The following FNTA variants were observed in gnomAD, a reference collection of about 807,000 sequenced individuals.
The protein encoded by FNTA is farnesyltransferase, CAAX box, subunit alpha.
FNTA carries 27 observed loss-of-function variants against 55.2 expected under a neutral mutation model. The ratio of observed to expected loss-of-function variants is 0.49; its 90% CI spans 0.36 to 0.67. The LOEUF is 0.67. FNTA is among the 30% of genes least tolerant of loss of function. The probability of loss-of-function intolerance (pLI) is 0.00; values close to 1 mark genes in which losing one functional copy is unlikely to be tolerated. For missense variants in FNTA, 422 were observed against 464.7 expected, an observed-to-expected ratio of 0.91 and a Z score of 0.85; for synonymous variants, 176 against 170.7, an observed-to-expected ratio of 1.03 and a Z score of -0.24.
At chr8:43,062,266 T>C (rs1810552039) in intron 2 of FNTA, among the ~76,000 whole-genome samples, 1 of 151,876 alleles carries the variant, frequency 6.6e-6, no homozygotes, top group Admixed American at 6.6e-5. Context: ...TTGTTTTAAA[T>C]TTGAAATTAT....
At chr8:43,065,047 G>C (rs1032475196) in intron 3 of FNTA, among the ~76,000 whole-genome samples, 14 of 151,448 alleles carry the variant, frequency 9.2e-5, no homozygotes, top group African/African-American at 3.2e-4. Flanking sequence ...TGTTGGTCAG[G>C]CTGGCCTCGA....
At chr8:43,082,519 C>T (rs998507429) in intron 6 of FNTA, 1 of 152,112 alleles carries the variant, frequency 6.6e-6, no homozygotes, top group African/African-American at 2.4e-5. Flanking sequence ...GCTGATGTTT[C>T]CTTCAAAAGG....
intron 1 of FNTA, among the ~76,000 whole-genome samples, chr8:43,058,303 G>A (rs2130538384): frequency 6.6e-6 from 1 of 152,310 alleles, no homozygotes; most frequent in South Asian, 2.1e-4. Context: ...GCAGTTGTCA[G>A]ATTCCAGAGC....
At chr8:43,060,802 G>T (rs1003991785) in intron 2 of FNTA, among the ~76,000 whole-genome samples, 19 of 152,030 alleles carry the variant, frequency 1.2e-4, no homozygotes, top group African/African-American at 4.4e-4. Context: ...AACTTACACA[G>T]CAGAAGAAAC....
chr8:43,083,079 C>T (rs1811056125), intron 6 of FNTA, 39 bp from the exon 7 acceptor site: 2 of 1,227,756 alleles, frequency 1.6e-6, no homozygotes, highest in South Asian at 1.3e-5. Flanking sequence ...CATCATTGCA[C>T]TGTTCTTTTA....
Position 43,058,931 on chromosome 8 carries a change from T to C in FNTA, c.201-161T>C, listed in dbSNP as rs564242130. ...TTAATAGTTTAATGTGTAAAACATA[T>C]TGGCAAAACTTGGTCATGAAGAATC... On this transcript the variant is annotated intron_variant, in intron 1 of 8. Transcript: ENST00000302279. The C allele has an allele frequency of 8.3e-5, 41 of 495,014 alleles. No homozygotes were observed. The East Asian group carries it at 1.3e-3, about 15-fold the overall frequency. The allele number at this position is 495,014 out of a possible 1,614,324, so 30.7% of individuals were successfully genotyped here. A position where few individuals can be genotyped will look rare whatever the true frequency, so the allele number is the denominator to read the frequency against.
chr8:43,056,688 C>G (rs1425425890), intron 1 of FNTA, 142 bp downstream of exon 1: 3 of 411,118 alleles, frequency 7.3e-6, no homozygotes, highest in African/African-American at 2.1e-5. Context: ...GCGCTGGGCC[C>G]GGGCGGCTGC....
At chr8:43,063,358 T>C in intron 2 of FNTA, 1 of 455,050 alleles carries the variant, frequency 2.2e-6, no homozygotes, top group South Asian at 1.6e-5. Context: ...TTTTTTGTAA[T>C]CCAATGCTCC....
intron 3 of FNTA, among the ~76,000 whole-genome samples, chr8:43,068,711 T>G (rs1810717917): frequency 6.6e-6 from 1 of 152,190 alleles, no homozygotes; most frequent in South Asian, 2.1e-4. Context: ...TTGTTACCTT[T>G]CACTATTTTT....
intron 3 of FNTA, among the ~76,000 whole-genome samples, chr8:43,064,949 G>T (rs1810619621): frequency 6.6e-6 from 1 of 150,444 alleles, no homozygotes; most frequent in African/African-American, 2.4e-5. Flanking sequence ...CGATTTTCCT[G>T]CCTCAGCCTC....
At chr8:43,060,635 A>G in intron 2 of FNTA, among the ~76,000 whole-genome samples, 1 of 151,558 alleles carries the variant, frequency 6.6e-6, no homozygotes, top group Non-Finnish European at 1.5e-5. Flanking sequence ...CGATCACGCC[A>G]TTGCACTGTA....
chr8:43,081,340 G>A (rs1403277111), intron 6 of FNTA: 1 of 152,130 alleles, frequency 6.6e-6, no homozygotes, highest in Non-Finnish European at 1.5e-5. Context: ...TTCAGTTAAT[G>A]TGTCATGGCC....
At chr8:43,081,441 C>T (rs1811025985) in intron 6 of FNTA, 1 of 152,220 alleles carries the variant, frequency 6.6e-6, no homozygotes, top group South Asian at 2.1e-4. Flanking sequence ...TCTAACAGCT[C>T]TGTGAGACAC....
chr8:43,065,698 T>G (rs1359695773), intron 3 of FNTA, among the ~76,000 whole-genome samples: 2 of 151,562 alleles, frequency 1.3e-5, no homozygotes, highest in Non-Finnish European at 2.9e-5. Flanking sequence ...GTTTCATTTT[T>G]CTCTTCACCA....
At chr8:43,061,587 T>G (rs1035607060) in intron 2 of FNTA, among the ~76,000 whole-genome samples, 3 of 152,236 alleles carry the variant, frequency 2.0e-5, no homozygotes, top group African/African-American at 7.2e-5. Context: ...ATAAAATGTA[T>G]CATTGTCATA....
intron 2 of FNTA, among the ~76,000 whole-genome samples, chr8:43,060,489 A>G (rs1391430754): frequency 6.6e-6 from 1 of 152,166 alleles, no homozygotes; most frequent in Non-Finnish European, 1.5e-5. Context: ...AGCCTGGCCA[A>G]CGTGGCGAAA....
Position 43,077,304 on chromosome 8 carries a change from A to T in FNTA, c.722A>T (p.Tyr241Phe), listed in dbSNP as rs1214798012. The T allele has an allele frequency of 6.2e-7, 1 of 1,613,354 alleles. No homozygotes were observed. The highest frequency in any genetic ancestry group is 1.1e-5 in the South Asian group (1 of 90,996). The change falls in exon 6 of 9, where the codon TAC (tyrosine) becomes TTC (phenylalanine). Residue 241 changes from tyrosine (Y) to phenylalanine (F), a missense_variant. Physicochemically the swap from Tyr to Phe is conservative, Grantham distance 22. Transcript: ENST00000302279. Reference protein sequence around the residue: ...VRNNSVWNQRYFVISNTTGYN... With the variant: ...VRNNSVWNQRFFVISNTTGYN... ...AATAACTCTGTCTGGAACCAAAGAT[A>T]CTTCGTTATTTCTAACACCACTGGC...
intron 3 of FNTA, among the ~76,000 whole-genome samples, chr8:43,068,706 A>G (rs1810717741): frequency 6.6e-6 from 1 of 152,054 alleles, no homozygotes; most frequent in South Asian, 2.1e-4. Context: ...CATACTTGTT[A>G]CCTTTCACTA....
intron 5 of FNTA, 187 bp from the exon 6 acceptor site, chr8:43,077,029 G>C (rs1040760215): frequency 2.5e-5 from 11 of 437,844 alleles, no homozygotes; most frequent in Non-Finnish European, 4.0e-5. Context: ...GTCTTTCCAG[G>C]CTCTATCATC....
Sources: allele counts gnomAD v4.1 joint callset (sites outside exome capture counted in the v4.1 genomes callset), GRCh38; gene constraint gnomAD v4.1.1; transcripts MANE v1.5; gene names NCBI Gene and HGNC (gene_info 2026-07-23, HGNC 2026-07-21).